ELOVL7: variants seen among roughly 807,000 people sequenced by gnomAD.
ELOVL7 encodes the protein very long chain fatty acid elongase 7.
In ELOVL7, 27 loss-of-function variants were observed where a neutral mutation model predicts 35.7. The observed-to-expected ratio is 0.76, with a 90% CI of 0.56 to 1.04. The LOEUF is 1.04. Ranked by LOEUF, ELOVL7 falls within the 50% of genes least tolerant of loss-of-function variation. The pLI is 0.00. For missense variants in ELOVL7, 327 were observed against 340.8 expected (o/e 0.96, Z 0.32); for synonymous variants, 113 against 114.6 (o/e 0.99, Z 0.09).
At chr5:60,839,138 C>T (rs1013821489) in intron 1 of ELOVL7, among the ~76,000 whole-genome samples, 1 of 151,832 alleles carries the variant, frequency 6.6e-6, no homozygotes, top group Non-Finnish European at 1.5e-5. Flanking sequence ...TTCAGGTGTT[C>T]GAGAACAGAC....
chr5:60,835,020 G>A (rs80277466), intron 1 of ELOVL7, among the ~76,000 whole-genome samples: 3,065 of 151,478 alleles, frequency 0.02, 172 homozygotes, highest in African/African-American at 0.071. Context: ...GAAAAACCCT[G>A]TCTCTACCAA....
At chr5:60,819,432 T>C (rs1046539432) in intron 1 of ELOVL7, among the ~76,000 whole-genome samples, 12 of 152,134 alleles carry the variant, frequency 7.9e-5, no homozygotes, top group Middle Eastern at 3.4e-3. Flanking sequence ...GCAAATTCAG[T>C]CTCCTTTTGC....
intron 1 of ELOVL7, among the ~76,000 whole-genome samples, chr5:60,810,692 A>C (rs1370496423): frequency 2.0e-5 from 3 of 152,128 alleles, no homozygotes; most frequent in African/African-American, 7.2e-5. Context: ...AGTTATTAAT[A>C]TTTTGGTTCT....
At chr5:60,764,150 C>A (rs1742089957) in intron 7 of ELOVL7, 77 bp downstream of exon 7, 3 of 942,406 alleles carry the variant, frequency 3.2e-6, no homozygotes, top group East Asian at 5.2e-5. Flanking sequence ...TTATAAATCA[C>A]ATTTTAGAAA....
intron 3 of ELOVL7, among the ~76,000 whole-genome samples, chr5:60,783,052 T>C (rs1743357923): frequency 6.6e-6 from 1 of 152,204 alleles, no homozygotes; most frequent in Non-Finnish European, 1.5e-5. Context: ...TAAATATATG[T>C]AATTATAATT....
In ELOVL7 at chr5:60,772,025, CAT is replaced by C; in HGVS notation, c.131_132del (p.Tyr44CysfsTer19). ...PLPQTILLGF[Y>X]VYFVTSLGPK... ...GGTCCCAAGGAAGTGACAAAATAGA[CAT>C]AGAATCCTAGGAGGATGGTTTGTGG... On this transcript the variant is annotated frameshift_variant, in exon 4 of 9. Transcript: ENST00000508821. LOFTEE classifies it high-confidence loss of function. The C allele has an allele frequency of 6.2e-7, 1 of 1,613,672 alleles. No homozygotes were observed. Among genetic ancestry groups the C allele is most frequent in the African/African-American group, 1.3e-5 (1 of 75,018 alleles).
chr5:60,785,119 G>C (rs1743497435), intron 3 of ELOVL7, among the ~76,000 whole-genome samples: 1 of 152,032 alleles, frequency 6.6e-6, no homozygotes, highest in African/African-American at 2.4e-5. Flanking sequence ...CTTAAATCTA[G>C]GTCTTTTCAC....
Position 60,754,415 on chromosome 5 carries a change from AAAC to A in ELOVL7, c.*206_*208del, listed in dbSNP as rs1741408281. ...GCTAAAAAAACAAAAACAAAAACAA[AAAC>A]AAATTCTGGCTGCTGTAGGCTCTAA... On this transcript the variant is annotated 3_prime_UTR_variant, in exon 9 of 9. Coordinates refer to ENST00000508821, the MANE Select transcript of ELOVL7 (RefSeq NM_024930.3). 3.7e-6 allele frequency: 2 copies of A among 544,566 alleles called. No individual in the cohort carries two copies. Among genetic ancestry groups the A allele is most frequent in the East Asian group, 6.0e-5 (2 of 33,490 alleles). The allele number at this position is 544,566 out of a possible 1,614,324, so 33.7% of individuals were successfully genotyped here.
chr5:60,786,972 A>G (rs76394121), intron 3 of ELOVL7, among the ~76,000 whole-genome samples: 2 of 151,872 alleles, frequency 1.3e-5, no homozygotes, highest in Non-Finnish European at 2.9e-5. Flanking sequence ...AAAAAAAAAA[A>G]GAGTTGGCAT....
chr5:60,768,610 G>A (rs1012348177), intron 4 of ELOVL7: 2 of 441,968 alleles, frequency 4.5e-6, no homozygotes, highest in African/African-American at 4.0e-5. Flanking sequence ...TGATAAATCT[G>A]AAGTGTAATT....
At chr5:60,760,898 G>T (rs975602434) in intron 7 of ELOVL7, among the ~76,000 whole-genome samples, 2 of 152,086 alleles carry the variant, frequency 1.3e-5, no homozygotes, top group Non-Finnish European at 2.9e-5. Context: ...CTAAAATGAG[G>T]ATCTTAGACA....
rs927644951 is a variant in ELOVL7 at position 60,836,646 on chromosome 5, GC to G, written c.-86+7513del. On this transcript the variant is annotated intron_variant, in intron 1 of 8. Transcript: ENST00000508821. Reference sequence around the variant, plus strand: ...AATAAGTCACCCTTAAGTAATAAGTGCCCTTTACTTTTGTTCTGCCCTTGTT... The same window carrying G: ...AATAAGTCACCCTTAAGTAATAAGTGCCTTTACTTTTGTTCTGCCCTTGTT... 8.1e-4 allele frequency among the ~76,000 whole-genome samples: 124 copies of G among 152,150 alleles called. 2 individuals carry two copies. The highest frequency in any genetic ancestry group is 2.8e-3 in the African/African-American group (118 of 41,426).
chr5:60,769,623 G>A (rs1742452761), intron 4 of ELOVL7, among the ~76,000 whole-genome samples: 1 of 152,190 alleles, frequency 6.6e-6, no homozygotes. Flanking sequence ...CATGTGTTCG[G>A]ATGTGCCATC....
chr5:60,842,799 GAAT>G (rs1412844966), intron 1 of ELOVL7, among the ~76,000 whole-genome samples: 2 of 152,104 alleles, frequency 1.3e-5, no homozygotes, highest in East Asian at 1.9e-4. Context: ...ATTAAAATGA[GAAT>G]AATATTAATA....
chr5:60,788,811 G>C (rs1020133083), intron 2 of ELOVL7, among the ~76,000 whole-genome samples: 1 of 151,864 alleles, frequency 6.6e-6, no homozygotes, highest in African/African-American at 2.4e-5. Flanking sequence ...AAATCTTCTA[G>C]GGTTCCCACA....
chr5:60,830,975 C>A (rs1317492195), intron 1 of ELOVL7, among the ~76,000 whole-genome samples: 1 of 152,110 alleles, frequency 6.6e-6, no homozygotes, highest in Non-Finnish European at 1.5e-5. Context: ...TGCTAATTCA[C>A]ATATGGGCAA....
At chr5:60,817,703 A>ACCATATATATACACACG (rs1383839343) in intron 1 of ELOVL7, among the ~76,000 whole-genome samples, 20 of 148,038 alleles carry the variant, frequency 1.4e-4, no homozygotes, top group Non-Finnish European at 1.2e-4. Context: ...ATATACACAC[A>ACCATATATATACACACG]CCATATATAT....
chr5:60,813,587 C>T (rs915186418), intron 1 of ELOVL7, among the ~76,000 whole-genome samples: 31 of 152,132 alleles, frequency 2.0e-4, no homozygotes, highest in Non-Finnish European at 3.1e-4. Context: ...TTCTCACCTG[C>T]CCCCATTCCT....
At position 60,828,528 on chromosome 5, in the gene ELOVL7, T is replaced by C. The variant is rs1391950948; in HGVS notation, c.-86+15632A>G. Among the ~76,000 whole-genome samples, 5 of 152,268 alleles carry C rather than the reference T, an allele frequency of 3.3e-5. No individual in the cohort carries two copies. The East Asian group carries it at 7.7e-4, about 23-fold the overall frequency. On this transcript the variant is annotated intron_variant, in intron 1 of 8. Transcript: ENST00000508821. ...TTAACTGTATCATAGTATAGAACCT[T>C]ATGGAAACATGTCACACTGCTGACT...
Sources: gnomAD v4.1 joint callset for allele counts (sites outside exome capture counted in the v4.1 genomes callset) on GRCh38, gnomAD v4.1.1 for gene constraint, MANE v1.5 for transcripts, NCBI Gene and HGNC (gene_info 2026-07-23, HGNC 2026-07-21) for gene names.